AGBL4: variants seen among roughly 807,000 people sequenced by gnomAD.
The protein encoded by AGBL4 is AGBL carboxypeptidase 4.
A neutral mutation model predicts 66.4 loss-of-function variants in AGBL4; 58 were observed. The ratio of observed to expected loss-of-function variants is 0.87; its 90% confidence interval spans 0.71 to 1.09. The LOEUF is 1.09. Ranked by LOEUF, AGBL4 falls within the 50% of genes least tolerant of loss-of-function variation. The pLI, the probability that AGBL4 is intolerant of heterozygous loss-of-function variation, is 0.00. For missense variants in AGBL4, 579 were observed against 631.0 expected, an observed-to-expected ratio of 0.92 and a Z score of 0.88; for synonymous variants, 234 against 222.9, an observed-to-expected ratio of 1.05 and a Z score of -0.44.
chr1:48,949,600 T>G (rs1197428047), intron 5 of AGBL4, among the ~76,000 whole-genome samples: 3 of 152,194 alleles, frequency 2.0e-5, no homozygotes, highest in African/African-American at 7.2e-5. Context: ...CTGCCAGGCA[T>G]AGAGAAACTG....
intron 6 of AGBL4, among the ~76,000 whole-genome samples, chr1:48,769,526 AAC>A (rs558937968): frequency 0.036 from 4,674 of 130,238 alleles, 104 homozygotes; most frequent in African/African-American, 0.078. Context: ...GAGGATTTAA[AAC>A]ACACACACAC....
rs560366865 is a variant in AGBL4, at chr1:48,819,700, C to T, written c.634+47491G>A. On this transcript the variant is annotated intron_variant, in intron 6 of 13. Coordinates refer to ENST00000371839, the MANE Select transcript of AGBL4 (RefSeq NM_032785.4). ...CATTTGACATTGGAGGAAAAACAAG[C>T]TCCAGAAGGGGAAGAACTTTTATTT... Among the ~76,000 whole-genome samples, 3 of 152,332 alleles carry T rather than the reference C, an allele frequency of 2.0e-5. No homozygotes were observed. In the East Asian group the frequency reaches 5.8e-4, roughly 29 times the overall value.
chr1:49,853,661 T>A (rs998576273), intron 1 of AGBL4, among the ~76,000 whole-genome samples: 2 of 151,950 alleles, frequency 1.3e-5, no homozygotes, highest in African/African-American at 4.8e-5. Context: ...GGAGAATAAA[T>A]ATATTATTAA....
chr1:48,998,298 T>C (rs1431880797), intron 5 of AGBL4, among the ~76,000 whole-genome samples: 1 of 152,164 alleles, frequency 6.6e-6, no homozygotes, highest in African/African-American at 2.4e-5. Flanking sequence ...CATTCATTTT[T>C]TGAAACATGC....
intron 3 of AGBL4, among the ~76,000 whole-genome samples, chr1:49,568,254 A>T (rs951455135): frequency 6.6e-6 from 1 of 152,114 alleles, no homozygotes; most frequent in Non-Finnish European, 1.5e-5. Context: ...ATAGTCTTGG[A>T]CCAAAAGCTC....
At chr1:49,162,513 G>A (rs545419262) in intron 4 of AGBL4, among the ~76,000 whole-genome samples, 1 of 152,284 alleles carries the variant, frequency 6.6e-6, no homozygotes, top group Admixed American at 6.5e-5. Flanking sequence ...TCTTGCCTAT[G>A]AGAACAAAAA....
rs145686606 is a variant in AGBL4 at position 49,534,308 on chromosome 1, C to T, written c.282+163005G>A. Reference sequence around the variant, plus strand: ...AGTATATTTCTGTAAATTAGTTAGTCAAAAAAGCAATTTACAAAGAAAAAA... The same window carrying T: ...AGTATATTTCTGTAAATTAGTTAGTTAAAAAAGCAATTTACAAAGAAAAAA... On this transcript the variant is annotated intron_variant, in intron 3 of 13. Coordinates refer to ENST00000371839, the MANE Select transcript of AGBL4 (RefSeq NM_032785.4). Among the ~76,000 whole-genome samples, 90 of 150,746 alleles carry T rather than the reference C, an allele frequency of 6.0e-4. 1 individual carries two copies. Among genetic ancestry groups the T allele is most frequent in the African/African-American group, 2.0e-3 (84 of 41,064 alleles).
At chr1:49,539,010 T>G (rs1417316227) in intron 3 of AGBL4, among the ~76,000 whole-genome samples, 2 of 152,284 alleles carry the variant, frequency 1.3e-5, no homozygotes, top group African/African-American at 2.4e-5. Context: ...CTATCATTTA[T>G]AGCAAGAAAT....
chr1:49,703,999 T>C (rs1283587201), intron 2 of AGBL4, among the ~76,000 whole-genome samples: 8 of 152,012 alleles, frequency 5.3e-5, no homozygotes, highest in African/African-American at 1.9e-4. Context: ...AACCACAAGA[T>C]ACCTAGAAAT....
chr1:49,019,914 C>T (rs999847617), intron 5 of AGBL4, among the ~76,000 whole-genome samples: 32 of 152,242 alleles, frequency 2.1e-4, no homozygotes, highest in Admixed American at 1.8e-3. Context: ...AGAGTAAGGG[C>T]GCACGCTTTA....
At chr1:48,850,265 C>T (rs778271051) in intron 6 of AGBL4, among the ~76,000 whole-genome samples, 11 of 152,332 alleles carry the variant, frequency 7.2e-5, no homozygotes, top group East Asian at 1.9e-4. Context: ...CAACCCATCC[C>T]TTCAACTGAG....
At chr1:49,380,283 C>G (rs919498003) in intron 3 of AGBL4, among the ~76,000 whole-genome samples, 2 of 152,044 alleles carry the variant, frequency 1.3e-5, no homozygotes, top group Non-Finnish European at 2.9e-5. Context: ...ACCTAGGAAT[C>G]CAACTTACAA....
intron 5 of AGBL4, among the ~76,000 whole-genome samples, chr1:48,900,025 T>G (rs973254210): frequency 1.3e-5 from 2 of 152,060 alleles, no homozygotes; most frequent in African/African-American, 2.4e-5. Context: ...ACATTTGAGC[T>G]GAGGGGCATT....
chr1:49,725,581 T>C (rs1648959083), intron 2 of AGBL4, among the ~76,000 whole-genome samples: 1 of 152,072 alleles, frequency 6.6e-6, no homozygotes. Context: ...CATATACCTG[T>C]TCTTATGGCA....
At chr1:48,768,211 C>T (rs1014444923) in intron 6 of AGBL4, among the ~76,000 whole-genome samples, 1 of 152,034 alleles carries the variant, frequency 6.6e-6, no homozygotes, top group Non-Finnish European at 1.5e-5. Context: ...TCCTAAAGTG[C>T]CTGCCTTTCT....
At chr1:49,287,462 C>T (rs1270614339) in intron 3 of AGBL4, among the ~76,000 whole-genome samples, 2 of 149,992 alleles carry the variant, frequency 1.3e-5, no homozygotes, top group Non-Finnish European at 3.0e-5. Flanking sequence ...GCAACCTACT[C>T]ATCTGACAAA....
chr1:49,141,347 A>G (rs1250182239), intron 4 of AGBL4, among the ~76,000 whole-genome samples: 4 of 152,166 alleles, frequency 2.6e-5, no homozygotes, highest in African/African-American at 9.6e-5. Flanking sequence ...CTGCCACTTA[A>G]TACCCCTATT....
At chr1:48,980,994 T>G (rs1031678152) in intron 5 of AGBL4, among the ~76,000 whole-genome samples, 1 of 151,980 alleles carries the variant, frequency 6.6e-6, no homozygotes, top group African/African-American at 2.4e-5. Context: ...AAATCTGACC[T>G]CTGGTAATGC....
chr1:49,369,820 G>C (rs1202872710), intron 3 of AGBL4, among the ~76,000 whole-genome samples: 2 of 152,040 alleles, frequency 1.3e-5, no homozygotes, highest in South Asian at 2.1e-4. Flanking sequence ...TGTCAACTTA[G>C]AGAGTGCTTA....
Sources: allele counts gnomAD v4.1 joint callset (sites outside exome capture counted in the v4.1 genomes callset), GRCh38; gene constraint gnomAD v4.1.1; transcripts MANE v1.5; gene names NCBI Gene and HGNC (gene_info 2026-07-23, HGNC 2026-07-21).